SLC39A11: variants seen among roughly 807,000 people sequenced by gnomAD.
The protein encoded by SLC39A11 is zinc transporter ZIP11.
SLC39A11 carries 33 observed loss-of-function variants against 36.1 expected under a neutral mutation model. That is an observed-to-expected ratio of 0.91 (90% CI 0.69 to 1.22). The LOEUF (loss-of-function observed/expected upper bound fraction) is 1.22, where lower values mean the gene tolerates loss of function less well. Ranked by LOEUF, SLC39A11 falls within the 50% of genes most tolerant of loss-of-function variation. The pLI is 0.00. For missense variants in SLC39A11, 432 were observed against 430.3 expected (o/e 1.00, Z -0.03); for synonymous variants, 166 against 170.3 (o/e 0.97, Z 0.20).
At chr17:73,045,516 G>A (rs1427490655) in intron 3 of SLC39A11, among the ~76,000 whole-genome samples, 1 of 151,068 alleles carries the variant, frequency 6.6e-6, no homozygotes, top group Non-Finnish European at 1.5e-5. Context: ...CCATGAGTGA[G>A]ATGCCCAGCT....
intron 7 of SLC39A11, among the ~76,000 whole-genome samples, chr17:72,675,658 C>T (rs1202558851): frequency 6.6e-6 from 1 of 151,748 alleles, no homozygotes; most frequent in African/African-American, 2.4e-5. Flanking sequence ...GTGAGTGCTG[C>T]CAGTGTGTGA....
intron 6 of SLC39A11, among the ~76,000 whole-genome samples, chr17:72,782,432 G>A (rs1278884368): frequency 6.6e-6 from 1 of 152,110 alleles, no homozygotes; most frequent in Non-Finnish European, 1.5e-5. Flanking sequence ...GCGGGAAACT[G>A]ATTCACTAGC....
intron 6 of SLC39A11, among the ~76,000 whole-genome samples, chr17:72,757,883 G>GTTTGTT (rs1227169571): frequency 1.3e-5 from 2 of 151,892 alleles, no homozygotes; most frequent in Admixed American, 6.6e-5. Flanking sequence ...TTAGTATTTT[G>GTTTGTT]TTTGTTTTTG....
intron 6 of SLC39A11, among the ~76,000 whole-genome samples, chr17:72,841,317 T>G (rs73356721): frequency 1.0e-3 from 157 of 152,304 alleles, no homozygotes; most frequent in African/African-American, 3.8e-3. Flanking sequence ...AAGAGTTGAA[T>G]GAATAAAGAA....
chr17:72,999,798 T>G (rs1161020077), intron 4 of SLC39A11, among the ~76,000 whole-genome samples: 1 of 152,224 alleles, frequency 6.6e-6, no homozygotes, highest in Non-Finnish European at 1.5e-5. Flanking sequence ...TGGAGTGCAG[T>G]GGTGCGATCT....
chr17:72,707,369 A>AC (rs2072935029), intron 7 of SLC39A11, among the ~76,000 whole-genome samples: 1 of 152,110 alleles, frequency 6.6e-6, no homozygotes, highest in Non-Finnish European at 1.5e-5. Flanking sequence ...ATGCCACTGT[A>AC]CTCTACCCTG....
At chr17:72,901,043 T>G (rs1473028518) in intron 5 of SLC39A11, among the ~76,000 whole-genome samples, 1 of 151,534 alleles carries the variant, frequency 6.6e-6, no homozygotes, top group African/African-American at 2.4e-5. Flanking sequence ...TGCAGGAGGT[T>G]GCAACGCTGA....
At chr17:72,731,398 T>C (rs1223301659) in intron 7 of SLC39A11, among the ~76,000 whole-genome samples, 1 of 152,134 alleles carries the variant, frequency 6.6e-6, no homozygotes, top group East Asian at 1.9e-4. Flanking sequence ...ATCCCCAATG[T>C]TGGGGGTAGG....
chr17:72,937,371 C>T (rs921605069), intron 5 of SLC39A11, among the ~76,000 whole-genome samples: 12 of 152,190 alleles, frequency 7.9e-5, no homozygotes, highest in Non-Finnish European at 1.6e-4. Flanking sequence ...AGGAGAATCG[C>T]TTGAACCTGG....
intron 5 of SLC39A11, among the ~76,000 whole-genome samples, chr17:72,886,339 A>G (rs987930489): frequency 1.3e-5 from 2 of 152,222 alleles, no homozygotes; most frequent in African/African-American, 4.8e-5. Context: ...TTGAGTATTC[A>G]GAGGCATCTC....
At chr17:72,805,560 C>T (rs552438367) in intron 6 of SLC39A11, among the ~76,000 whole-genome samples, 10 of 152,228 alleles carry the variant, frequency 6.6e-5, no homozygotes, top group Non-Finnish European at 1.0e-4. Flanking sequence ...GGCCTGGTGG[C>T]GCTCCTTCCC....
At chr17:73,046,010 T>C (rs1376360404) in intron 3 of SLC39A11, among the ~76,000 whole-genome samples, 1 of 152,136 alleles carries the variant, frequency 6.6e-6, no homozygotes. Context: ...TCCAATCTGT[T>C]CCAGATCTAG....
At chr17:72,820,786 T>A (rs2077745887) in intron 6 of SLC39A11, among the ~76,000 whole-genome samples, 1 of 150,222 alleles carries the variant, frequency 6.7e-6, no homozygotes, top group South Asian at 2.1e-4. Flanking sequence ...GTGAAAAGAA[T>A]GGGGCAGAAA....
At chr17:72,711,691 G>A (rs563977342) in intron 7 of SLC39A11, among the ~76,000 whole-genome samples, 1 of 152,244 alleles carries the variant, frequency 6.6e-6, no homozygotes, top group South Asian at 2.1e-4. Flanking sequence ...CAGGCGGTGG[G>A]GACACAGGAA....
chr17:72,909,357 A>G (rs573909950), intron 5 of SLC39A11, among the ~76,000 whole-genome samples: 1 of 152,344 alleles, frequency 6.6e-6, no homozygotes, highest in African/African-American at 2.4e-5. Flanking sequence ...TTAACCTTAG[A>G]GGGGTCTTGC....
chr17:72,982,081 ATTT>A (rs11323990), intron 4 of SLC39A11, among the ~76,000 whole-genome samples: 278 of 150,228 alleles, frequency 1.9e-3, no homozygotes, highest in South Asian at 0.012. Context: ...CATCTCTAAA[ATTT>A]TTTTTTTTTT....
intron 5 of SLC39A11, among the ~76,000 whole-genome samples, chr17:72,856,502 C>G (rs2079648580): frequency 6.6e-6 from 1 of 152,126 alleles, no homozygotes; most frequent in South Asian, 2.1e-4. Flanking sequence ...ATACATCAGA[C>G]AGACGTATCC....
At chr17:72,699,029 CCA>C (rs2072467474) in intron 7 of SLC39A11, among the ~76,000 whole-genome samples, 1 of 152,110 alleles carries the variant, frequency 6.6e-6, no homozygotes, top group South Asian at 2.1e-4. Context: ...CGGGGTTTCA[CCA>C]TGTTAGCCAG....
rs568095343 is a variant in SLC39A11, at chr17:72,653,009, C to T, written c.672-3741G>A. 1.1e-4 allele frequency among the ~76,000 whole-genome samples: 16 copies of T among 152,224 alleles called. No individual in the cohort carries two copies. In the South Asian group the frequency reaches 2.5e-3, roughly 24 times the overall value. On this transcript the variant is annotated intron_variant, in intron 7 of 9. Coordinates refer to ENST00000255559, the MANE Select transcript of SLC39A11 (RefSeq NM_139177.4). ...CCCCAGTAAATGTCTGGAGGCTGGA[C>T]GCTTCCCTGGGCACAGAGGAGGGGA...
Sources: gnomAD v4.1 joint callset for allele counts (sites outside exome capture counted in the v4.1 genomes callset) on GRCh38, gnomAD v4.1.1 for gene constraint, MANE v1.5 for transcripts, NCBI Gene and HGNC (gene_info 2026-07-23, HGNC 2026-07-21) for gene names.